Variants in ITPK1 observed in about 807,000 individuals in gnomAD.
The protein encoded by ITPK1 is inositol 1,3,4-trisphosphate 5/6-kinase.
A neutral mutation model predicts 45.3 loss-of-function variants in ITPK1; 21 were observed. The ratio of observed to expected loss-of-function variants is 0.46; its 90% CI spans 0.33 to 0.67. ITPK1 has a LOEUF of 0.67. Ranked by LOEUF, ITPK1 falls within the 30% of genes least tolerant of loss-of-function variation. The probability of loss-of-function intolerance (pLI) is 0.02; values close to 1 mark genes in which losing one functional copy is unlikely to be tolerated. For synonymous variants in ITPK1, 258 were observed against 253.6 expected (o/e 1.02, Z -0.16); for missense variants, 474 against 573.5 (o/e 0.83, Z 1.77).
chr14:92,947,351 C>G (rs1887738267), intron 9 of ITPK1, among the ~76,000 whole-genome samples: 1 of 152,238 alleles, frequency 6.6e-6, no homozygotes, highest in Non-Finnish European at 1.5e-5. Context: ...CCGGCACTCC[C>G]CTCTGCCACT....
chr14:92,964,935 C>T (rs1317972267), intron 5 of ITPK1, among the ~76,000 whole-genome samples: 1 of 152,220 alleles, frequency 6.6e-6, no homozygotes, highest in Non-Finnish European at 1.5e-5. Context: ...CACAGTAACT[C>T]ATTTACCCTC....
chr14:93,105,099 G>A (rs534312599), intron 2 of ITPK1, among the ~76,000 whole-genome samples: 4 of 152,344 alleles, frequency 2.6e-5, no homozygotes, highest in Non-Finnish European at 5.9e-5. Context: ...ACAGCAGGTA[G>A]AACTGGGCTG....
At chr14:92,962,307 C>A in intron 7 of ITPK1, 48 bp downstream of exon 7, 1 of 1,410,810 alleles carries the variant, frequency 7.1e-7, no homozygotes, top group South Asian at 1.2e-5. Context: ...ACACGATGAG[C>A]TGAAAGGATG....
At chr14:93,071,531 T>C (rs1891004390) in intron 3 of ITPK1, 1 of 152,260 alleles carries the variant, frequency 6.6e-6, no homozygotes, top group Non-Finnish European at 1.5e-5. Context: ...GTCTAAATAC[T>C]TGTAGAGGAT....
In ITPK1 at chr14:93,014,765, G is replaced by A. The variant is rs1348436278; in HGVS notation, c.246+1911C>T. Reference sequence around the variant, plus strand: ...CAGCTGCTTCTTCCTCCACAGGACGGGAATCATTGAACCTTACAGCTCATG... The same window carrying A: ...CAGCTGCTTCTTCCTCCACAGGACGAGAATCATTGAACCTTACAGCTCATG... On this transcript the variant is annotated intron_variant, in intron 4 of 10. Transcript: ENST00000267615. This position sits in a 1 kb window ranked among gnomAD's most constrained non-coding sequence, Gnocchi z 4.4. Among the ~76,000 whole-genome samples the A allele has an allele frequency of 6.6e-6, 1 of 152,238 alleles. No individual in the cohort carries two copies. The highest frequency in any genetic ancestry group is 1.5e-5 in the Non-Finnish European group (1 of 68,052).
chr14:93,106,388 C>T (rs139396080), intron 2 of ITPK1, among the ~76,000 whole-genome samples: 115 of 152,324 alleles, frequency 7.5e-4, no homozygotes, highest in Non-Finnish European at 9.7e-4. Context: ...AGGTGGAAAC[C>T]GGCCTCAGTT....
chr14:93,005,757 C>G (rs1325974150), intron 4 of ITPK1, among the ~76,000 whole-genome samples: 1 of 152,164 alleles, frequency 6.6e-6, no homozygotes, highest in African/African-American at 2.4e-5. Flanking sequence ...CACCTGTGCA[C>G]CCAAAAATAC....
chr14:93,097,142 G>A (rs922152111), intron 2 of ITPK1, among the ~76,000 whole-genome samples: 9 of 152,184 alleles, frequency 5.9e-5, no homozygotes, highest in South Asian at 2.1e-4. Context: ...ATGGGCTGCC[G>A]GCCAACGCGC....
intron 2 of ITPK1, among the ~76,000 whole-genome samples, chr14:93,077,154 C>G (rs1891258138): frequency 6.6e-6 from 1 of 152,190 alleles, no homozygotes; most frequent in Non-Finnish European, 1.5e-5. Context: ...CCAACAGCCT[C>G]CAAGCTGCAC....
chr14:92,998,314 C>T (rs1028274037), intron 4 of ITPK1, among the ~76,000 whole-genome samples: 15 of 152,312 alleles, frequency 9.8e-5, no homozygotes, highest in Admixed American at 7.2e-4. Context: ...CCTGTGCAGC[C>T]GACCCCAGAG....
chr14:93,103,200 G>A (rs1032243544), intron 2 of ITPK1, among the ~76,000 whole-genome samples: 1 of 151,468 alleles, frequency 6.6e-6, no homozygotes, highest in Non-Finnish European at 1.5e-5. Flanking sequence ...AGGCTGAGAC[G>A]GGCAGATCAC....
At chr14:93,095,707 T>C (rs1273886157) in intron 2 of ITPK1, among the ~76,000 whole-genome samples, 3 of 151,820 alleles carry the variant, frequency 2.0e-5, no homozygotes, top group Non-Finnish European at 4.4e-5. Context: ...GTACTGAGCA[T>C]AGTACCCAAT....
At chr14:92,992,142 G>A (rs1340116538) in intron 5 of ITPK1, among the ~76,000 whole-genome samples, 1 of 152,274 alleles carries the variant, frequency 6.6e-6, no homozygotes, top group East Asian at 1.9e-4. Flanking sequence ...ATCACTCTTC[G>A]AATGGACTTG....
chr14:93,115,632 CGCGGCCTCCGA>C (rs1892920374), intron 1 of ITPK1, 129 bp downstream of exon 1: 1 of 148,380 alleles, frequency 6.7e-6, no homozygotes, highest in Admixed American at 6.7e-5. Context: ...GCGGCAGAAG[CGCGGCCTCCGA>C]GCCCTTCCTC....
In ITPK1 at chr14:93,034,802, CA is replaced by C. The variant is rs1257184065; in HGVS notation, c.121-18002del. On this transcript the variant is annotated intron_variant, in intron 3 of 10. Coordinates refer to ENST00000267615, the MANE Select transcript of ITPK1 (RefSeq NM_014216.6). This position sits in a 1 kb window ranked among gnomAD's most constrained non-coding sequence, Gnocchi z 4.1. ...GCACACACGGGCAGTGGGCAGTGGGCAGTGCCAGTGCCCAGGGGCTATGCCC... is the reference window on the plus strand; with the variant it reads ...GCACACACGGGCAGTGGGCAGTGGGCGTGCCAGTGCCCAGGGGCTATGCCC... Among the ~76,000 whole-genome samples the C allele has an allele frequency of 2.0e-5, 3 of 152,258 alleles. No homozygotes were observed. Among genetic ancestry groups the C allele is most frequent in the Non-Finnish European group, 4.4e-5 (3 of 68,038 alleles).
At chr14:92,962,038 C>G (rs1024246867) in intron 7 of ITPK1, among the ~76,000 whole-genome samples, 1 of 152,284 alleles carries the variant, frequency 6.6e-6, no homozygotes, top group Admixed American at 6.5e-5. Flanking sequence ...TGTGGCGAAG[C>G]CACCCAGTGC....
intron 5 of ITPK1, among the ~76,000 whole-genome samples, chr14:92,989,221 C>T (rs1329008418): frequency 2.0e-5 from 3 of 152,180 alleles, no homozygotes; most frequent in Non-Finnish European, 4.4e-5. Context: ...ATTAAATTCC[C>T]GTAAAACCAC....
At chr14:92,983,613 G>A (rs1012613545) in intron 5 of ITPK1, among the ~76,000 whole-genome samples, 3 of 152,096 alleles carry the variant, frequency 2.0e-5, no homozygotes, top group Admixed American at 6.5e-5. Context: ...TGCCAATAAC[G>A]ACAAACACAC....
rs781091690 is a variant in ITPK1, at chr14:92,993,953, G to A, written c.291C>T (p.Leu97=). 3.9e-5 allele frequency: 63 copies of A among 1,613,910 alleles called. No individual in the cohort carries two copies. The highest frequency in any genetic ancestry group is 4.9e-5 in the Non-Finnish European group (58 of 1,179,942). Residue 97 remains leucine, a synonymous_variant, in exon 5 of 11, where the codon CTC becomes CTT. Coordinates refer to ENST00000267615, the MANE Select transcript of ITPK1 (RefSeq NM_014216.6). ...AHPETIVLDP[L]PAIRTLLDRS... Reference sequence around the variant, plus strand: ...GGTCAAGCAGGGTTCTGATGGCAGGGAGCGGGTCCAGGACGATGGTCTCAG... The same window carrying A: ...GGTCAAGCAGGGTTCTGATGGCAGGAAGCGGGTCCAGGACGATGGTCTCAG...
Sources: allele counts gnomAD v4.1 joint callset (sites outside exome capture counted in the v4.1 genomes callset), GRCh38; gene constraint gnomAD v4.1.1; non-coding constraint Gnocchi (gnomAD v3.1); transcripts MANE v1.5; gene names NCBI Gene and HGNC (gene_info 2026-07-23, HGNC 2026-07-21).